The following OR10J1 variants were observed in gnomAD, a reference collection of about 807,000 sequenced individuals.
OR10J1 encodes the protein olfactory receptor family 10 subfamily J member 1, also known as olfactory receptor 10J1.
For missense variants in OR10J1, 474 were observed against 376.6 expected, an observed-to-expected ratio of 1.26 and a Z score of -2.14; for synonymous variants, 202 against 143.8, an observed-to-expected ratio of 1.40 and a Z score of -2.89.
the OR10J1 span, among the ~76,000 whole-genome samples, chr1:159,418,778 C>A: frequency 6.6e-6 from 1 of 152,190 alleles, no homozygotes; most frequent in Admixed American, 6.5e-5. Context: ...AAGCCACAGA[C>A]CTTCAACACC....
At chr1:159,426,561 T>G in the OR10J1 span, among the ~76,000 whole-genome samples, 1 of 151,826 alleles carries the variant, frequency 6.6e-6, no homozygotes, top group Admixed American at 6.6e-5. Flanking sequence ...TAAGATAAAT[T>G]GACAAACACA....
At chr1:159,411,560 C>T in the OR10J1 span, among the ~76,000 whole-genome samples, 10 of 152,036 alleles carry the variant, frequency 6.6e-5, no homozygotes, top group Admixed American at 2.0e-4. Flanking sequence ...GGTAGATCTT[C>T]CTCCATCCTT....
At chr1:159,434,262 A>G (rs1655673362), upstream of OR10J1, among the ~76,000 whole-genome samples, 1 of 152,174 alleles carries the variant, frequency 6.6e-6, no homozygotes, top group Non-Finnish European at 1.5e-5. Context: ...CATTTTAACC[A>G]GCTTTCTCCT....
chr1:159,401,690 A>G, the OR10J1 span, among the ~76,000 whole-genome samples: 2 of 151,932 alleles, frequency 1.3e-5, no homozygotes, highest in Non-Finnish European at 2.9e-5. Flanking sequence ...AATACCAATC[A>G]TACTCAAATT....
At position 159,440,729 on chromosome 1, in the gene OR10J1, G is replaced by A. The variant is rs376819711; in HGVS notation, c.*8G>A. On this transcript the variant is annotated 3_prime_UTR_variant, in exon 1 of 1. Coordinates refer to ENST00000423932, the MANE Select transcript of OR10J1 (RefSeq NM_012351.3). ...GGTGGGAAGTTTTCCTGACCATGTA[G>A]GAAGAGTTCTCCTGAGGCTGTCAAC... 6 of 1,604,590 alleles carry A rather than the reference G, an allele frequency of 3.7e-6. No homozygotes were observed. The highest frequency in any genetic ancestry group is 1.1e-5 in the South Asian group (1 of 90,152).
the OR10J1 span, among the ~76,000 whole-genome samples, chr1:159,418,474 C>T: frequency 6.6e-6 from 1 of 152,280 alleles, no homozygotes; most frequent in South Asian, 2.1e-4. Context: ...TGGCAGCTGC[C>T]ATGTGGTGTC....
chr1:159,440,839 G>A lies in OR10J1; in HGVS notation c.*118G>A, dbSNP rs1406681669. On this transcript the variant is annotated 3_prime_UTR_variant, in exon 1 of 1. Transcript: ENST00000423932. ...GCCCCTTAAATAAGAGGCAAAAGAG[G>A]AATAGCAGTTTCATACAACTGGGAG... is the stretch of plus-strand genomic sequence containing the variant. 9.4e-7 allele frequency: 1 copy of A among 1,069,132 alleles called. No homozygotes were observed. Among genetic ancestry groups the A allele is most frequent in the South Asian group, 1.7e-5 (1 of 57,912 alleles). 66.2% of individuals were successfully genotyped at this position (1,069,132 alleles called of 1,614,324 possible).
At chr1:159,411,883 G>C in the OR10J1 span, among the ~76,000 whole-genome samples, 2 of 152,196 alleles carry the variant, frequency 1.3e-5, no homozygotes, top group East Asian at 3.9e-4. Flanking sequence ...ATTAGGAAAA[G>C]AGGAAGTCAA....
At chr1:159,402,155 C>T in the OR10J1 span, among the ~76,000 whole-genome samples, 3 of 151,978 alleles carry the variant, frequency 2.0e-5, no homozygotes, top group Admixed American at 1.3e-4. Context: ...ATGATACTAG[C>T]TGAATGGGGA....
At chr1:159,403,407 A>C in the OR10J1 span, among the ~76,000 whole-genome samples, 3 of 150,530 alleles carry the variant, frequency 2.0e-5, no homozygotes, top group African/African-American at 7.5e-5. Flanking sequence ...GAGCACAAAC[A>C]ACTCTATATG....
the OR10J1 span, among the ~76,000 whole-genome samples, chr1:159,421,874 A>C: frequency 6.6e-6 from 1 of 152,122 alleles, no homozygotes; most frequent in Non-Finnish European, 1.5e-5. Context: ...TTGGGGCTCC[A>C]GGTGACTTGC....
At chr1:159,415,716 A>G in the OR10J1 span, among the ~76,000 whole-genome samples, 1 of 151,972 alleles carries the variant, frequency 6.6e-6, no homozygotes, top group East Asian at 1.9e-4. Context: ...GATATGACTA[A>G]TATTCACTTT....
the OR10J1 span, among the ~76,000 whole-genome samples, chr1:159,404,031 A>T: frequency 6.6e-6 from 1 of 152,160 alleles, no homozygotes; most frequent in Non-Finnish European, 1.5e-5. Flanking sequence ...CAAACATTGC[A>T]TGTTCTCACT....
chr1:159,439,697 A>T, upstream of OR10J1: 2 of 1,485,726 alleles, frequency 1.3e-6, no homozygotes, highest in Non-Finnish European at 1.9e-6. Flanking sequence ...ACTGAGAACT[A>T]TTGAACTTCA....
the OR10J1 span, among the ~76,000 whole-genome samples, chr1:159,402,670 A>G: frequency 6.6e-6 from 1 of 152,140 alleles, no homozygotes; most frequent in Non-Finnish European, 1.5e-5. Flanking sequence ...AATATTGTTA[A>G]ACTATTTATA....
chr1:159,411,178 A>T, the OR10J1 span, among the ~76,000 whole-genome samples: 1 of 152,164 alleles, frequency 6.6e-6, no homozygotes, highest in African/African-American at 2.4e-5. Flanking sequence ...TATTCTGTTG[A>T]TTTGGGGTGG....
the OR10J1 span, among the ~76,000 whole-genome samples, chr1:159,408,010 C>T: frequency 6.6e-6 from 1 of 151,980 alleles, no homozygotes; most frequent in Admixed American, 6.6e-5. Context: ...GGGTTCCTAA[C>T]TCAGTCTTAG....
the OR10J1 span, among the ~76,000 whole-genome samples, chr1:159,412,038 C>T: frequency 5.3e-4 from 80 of 152,066 alleles, no homozygotes; most frequent in Non-Finnish European, 2.9e-5. Flanking sequence ...TCTTATACAC[C>T]AATAACAGAC....
chr1:159,406,832 C>T, the OR10J1 span, among the ~76,000 whole-genome samples: 5 of 152,164 alleles, frequency 3.3e-5, 1 homozygote, highest in Middle Eastern at 0.017. Context: ...GTATGAATTG[C>T]CAGCAAAGAC....
Sources: allele counts gnomAD v4.1 joint callset (sites outside exome capture counted in the v4.1 genomes callset), GRCh38; gene constraint gnomAD v4.1.1; transcripts MANE v1.5; gene names NCBI Gene and HGNC (gene_info 2026-07-23, HGNC 2026-07-21).